Variants in SLC26A7 observed in about 807,000 individuals in gnomAD.
SLC26A7 encodes anion exchange transporter.
SLC26A7 carries 59 observed loss-of-function variants against 82.5 expected under a neutral mutation model. That is an observed-to-expected ratio of 0.72 (90% CI 0.58 to 0.89). The LOEUF (loss-of-function observed/expected upper bound fraction) is 0.89. SLC26A7 is among the 40% of genes least tolerant of loss of function. The pLI, the probability that SLC26A7 is intolerant of heterozygous loss-of-function variation, is 0.00. For missense variants in SLC26A7, 820 were observed against 793.0 expected (o/e 1.03, Z -0.41); for synonymous variants, 271 against 274.3 (o/e 0.99, Z 0.12).
At chr8:91,288,490 G>C (rs1274056543) in intron 2 of SLC26A7, among the ~76,000 whole-genome samples, 1 of 152,112 alleles carries the variant, frequency 6.6e-6, no homozygotes, top group Non-Finnish European at 1.5e-5. Flanking sequence ...AAAATTAACA[G>C]TTATGAATTA....
chr8:91,386,329 A>C (rs1256274842), intron 15 of SLC26A7, among the ~76,000 whole-genome samples: 1 of 152,136 alleles, frequency 6.6e-6, no homozygotes, highest in East Asian at 1.9e-4. Flanking sequence ...AAAATTCATA[A>C]TCTATTAATT....
chr8:91,295,525 T>C lies in SLC26A7; in HGVS notation c.305-6T>C. On this transcript the variant is annotated splice_polypyrimidine_tract_variant and splice_region_variant and intron_variant, in intron 3 of 18. Coordinates refer to ENST00000276609, the MANE Select transcript of SLC26A7 (RefSeq NM_052832.4). The stretch of plus-strand genomic sequence containing the variant: ...ATAGAAGATTCCCCACACCACTTGG[T>C]TTCAGGCACCTTTGCCTTGACATCC... 6.2e-7 allele frequency: 1 copy of C among 1,608,558 alleles called. No homozygotes were observed. Among genetic ancestry groups the C allele is most frequent in the Non-Finnish European group, 8.5e-7 (1 of 1,176,958 alleles).
intron 4 of SLC26A7, 94 bp from the exon 5 acceptor site, chr8:91,318,122 C>T (rs1375403812): frequency 2.8e-6 from 3 of 1,071,300 alleles, no homozygotes; most frequent in Admixed American, 4.9e-5. Flanking sequence ...ATGATTCTAT[C>T]AAATGAAAAT....
chr8:91,283,261 G>T (rs1471722873), intron 2 of SLC26A7, among the ~76,000 whole-genome samples: 3 of 152,128 alleles, frequency 2.0e-5, no homozygotes, highest in African/African-American at 7.2e-5. Flanking sequence ...AAGGGGAGAA[G>T]TCCAGGAGGG....
At chr8:91,224,765 G>A (rs1810210888) in intron 2 of SLC26A7, among the ~76,000 whole-genome samples, 1 of 152,170 alleles carries the variant, frequency 6.6e-6, no homozygotes, top group Admixed American at 6.5e-5. Context: ...AGGTTGCCTG[G>A]ATTCCTCAGA....
chr8:91,381,555 A>G (rs1335333011), intron 15 of SLC26A7, among the ~76,000 whole-genome samples: 1 of 152,052 alleles, frequency 6.6e-6, no homozygotes, highest in Non-Finnish European at 1.5e-5. Context: ...AAAAATTTTT[A>G]AGGGAGTTTC....
chr8:91,345,823 A>C (rs533015650), intron 9 of SLC26A7, among the ~76,000 whole-genome samples: 18 of 152,280 alleles, frequency 1.2e-4, no homozygotes, highest in Admixed American at 7.2e-4. Flanking sequence ...TATTTTCGTA[A>C]TAATCAGTCT....
chr8:91,312,214 T>C (rs536091597), intron 4 of SLC26A7, among the ~76,000 whole-genome samples: 1 of 152,314 alleles, frequency 6.6e-6, no homozygotes, highest in East Asian at 1.9e-4. Flanking sequence ...GTATTTGCCA[T>C]TTTGAGACTG....
chr8:91,352,275 A>G (rs1813737721), intron 10 of SLC26A7, among the ~76,000 whole-genome samples: 1 of 152,134 alleles, frequency 6.6e-6, no homozygotes, highest in South Asian at 2.1e-4. Context: ...CTGTTGATAT[A>G]TCTGTTACAC....
At chr8:91,221,912 G>A (rs536517882) in intron 2 of SLC26A7, among the ~76,000 whole-genome samples, 17 of 152,262 alleles carry the variant, frequency 1.1e-4, no homozygotes, top group Admixed American at 6.5e-4. Flanking sequence ...TGTGAAGAAT[G>A]TCAATGGTAG....
chr8:91,388,618 C>T (rs1814868755), intron 15 of SLC26A7, among the ~76,000 whole-genome samples: 1 of 152,132 alleles, frequency 6.6e-6, no homozygotes, highest in Admixed American at 6.5e-5. Flanking sequence ...CTGAAAGCCA[C>T]ATCACTCCTC....
At chr8:91,386,113 G>A (rs1814792630) in intron 15 of SLC26A7, among the ~76,000 whole-genome samples, 1 of 152,088 alleles carries the variant, frequency 6.6e-6, no homozygotes, top group Non-Finnish European at 1.5e-5. Context: ...CCATGGCTGT[G>A]GATAGGGATG....
At chr8:91,227,518 A>T (rs926883725) in intron 2 of SLC26A7, among the ~76,000 whole-genome samples, 12 of 152,264 alleles carry the variant, frequency 7.9e-5, no homozygotes, top group Admixed American at 7.2e-4. Context: ...ATATTTGTGT[A>T]TCTTATTTGT....
chr8:91,257,311 G>C (rs1033502143), intron 2 of SLC26A7, among the ~76,000 whole-genome samples: 1 of 152,090 alleles, frequency 6.6e-6, no homozygotes, highest in Non-Finnish European at 1.5e-5. Context: ...TTTACTAAAG[G>C]CTAGAGAGCA....
At chr8:91,368,480 C>T (rs1216100740) in intron 14 of SLC26A7, among the ~76,000 whole-genome samples, 1 of 150,956 alleles carries the variant, frequency 6.6e-6, no homozygotes. Flanking sequence ...GTGCAGTGGC[C>T]CGATCTTGGC....
intron 2 of SLC26A7, among the ~76,000 whole-genome samples, chr8:91,219,472 C>T (rs1810122782): frequency 6.6e-6 from 1 of 152,076 alleles, no homozygotes; most frequent in African/African-American, 2.4e-5. Flanking sequence ...AGCCTGGAAA[C>T]TCAGGTTTGA....
intron 2 of SLC26A7, among the ~76,000 whole-genome samples, chr8:91,265,442 A>G (rs1286162394): frequency 1.3e-5 from 2 of 151,982 alleles, no homozygotes; most frequent in African/African-American, 4.8e-5. Flanking sequence ...TTCTATTTTT[A>G]ATTTTCTGAG....
chr8:91,216,525 C>T (rs1370438546), intron 1 of SLC26A7, among the ~76,000 whole-genome samples: 2 of 152,078 alleles, frequency 1.3e-5, no homozygotes, highest in Non-Finnish European at 2.9e-5. Context: ...TAAAGAGGAG[C>T]TGAGGAAAAT....
chr8:91,212,237 C>A (rs1291337584), intron 1 of SLC26A7, among the ~76,000 whole-genome samples: 1 of 152,102 alleles, frequency 6.6e-6, no homozygotes, highest in East Asian at 1.9e-4. Flanking sequence ...TAGACCTAAC[C>A]TAAATAGTCT....
Sources: allele counts gnomAD v4.1 joint callset (sites outside exome capture counted in the v4.1 genomes callset), GRCh38; gene constraint gnomAD v4.1.1; transcripts MANE v1.5; gene names NCBI Gene and HGNC (gene_info 2026-07-23, HGNC 2026-07-21).